PDZD2: variants seen among roughly 807,000 people sequenced by gnomAD.
The protein encoded by PDZD2 is PDZ domain containing 2.
PDZD2 carries 90 observed loss-of-function variants against 220.7 expected under a neutral mutation model. The observed-to-expected ratio is 0.41, with a 90% CI of 0.34 to 0.49. The LOEUF (loss-of-function observed/expected upper bound fraction) is 0.49. PDZD2 is among the 20% of genes least tolerant of loss of function. PDZD2 has a pLI of 0.28. For missense variants in PDZD2, 3,174 were observed against 3,608.5 expected (o/e 0.88, Z 3.08); for synonymous variants, 1,375 against 1,450.5 (o/e 0.95, Z 1.18).
intron 2 of PDZD2, among the ~76,000 whole-genome samples, chr5:31,870,745 C>T (rs184398554): frequency 1.5e-4 from 23 of 152,002 alleles, no homozygotes; most frequent in Admixed American, 1.4e-3. Flanking sequence ...AAAAATTAGC[C>T]GGGCATGGTG....
At chr5:31,658,626 T>C (rs1745642696) in intron 1 of PDZD2, among the ~76,000 whole-genome samples, 1 of 151,274 alleles carries the variant, frequency 6.6e-6, no homozygotes, top group Admixed American at 6.6e-5. Context: ...GTTTTCACTT[T>C]TTTTTTTTTT....
chr5:31,665,724 AG>A lies in PDZD2; in HGVS notation c.-361+26289del. 2.1e-5 allele frequency among the ~76,000 whole-genome samples: 3 copies of A among 140,876 alleles called. No homozygotes were observed. In the East Asian group the frequency reaches 6.6e-4, roughly 31 times the overall value. The allele number at this position is 140,876 out of a possible 152,430, so 92.4% of individuals were successfully genotyped here. Reference sequence around the variant, plus strand: ...TTCTGCCATGATTGTAAGTTTCCTGAGGCCTTCCCAGCCACGCGGAACTGTG... The same window carrying A: ...TTCTGCCATGATTGTAAGTTTCCTGAGCCTTCCCAGCCACGCGGAACTGTG... On this transcript the variant is annotated intron_variant, in intron 1 of 24. Coordinates refer to ENST00000438447, the MANE Select transcript of PDZD2 (RefSeq NM_178140.4).
At chr5:31,973,189 T>C (rs1004932474) in intron 2 of PDZD2, among the ~76,000 whole-genome samples, 8 of 152,210 alleles carry the variant, frequency 5.3e-5, no homozygotes, top group African/African-American at 1.9e-4. Flanking sequence ...CATGTAAGCT[T>C]ACGTGATAGA....
chr5:32,074,270 A>G lies in PDZD2; in HGVS notation c.3164A>G (p.Tyr1055Cys), dbSNP rs760990590. The G allele has an allele frequency of 2.2e-5, 36 of 1,614,032 alleles. No individual in the cohort carries two copies. The highest frequency in any genetic ancestry group is 2.5e-5 in the Non-Finnish European group (29 of 1,180,002). Residue 1055 changes from tyrosine to cysteine, a missense_variant, in exon 18 of 25, where the codon TAT becomes TGT. Physicochemically the swap from Tyr to Cys is radical, Grantham distance 194. Around this residue, in one of 4 missense-constraint regions of PDZD2, gnomAD observed 1,861 missense variants for 2,001.0 expected, o/e 0.93. Transcript: ENST00000438447. The part of the protein sequence containing the change: ...IPEGMVDAAS[Y>C]AANLTDSAEA... ...GAGGGCATGGTGGATGCTGCGTCCTATGCAGCCAACCTCACGGACTCTGCA... is the reference window on the plus strand; with the variant it reads ...GAGGGCATGGTGGATGCTGCGTCCTGTGCAGCCAACCTCACGGACTCTGCA...
rs563450723 is a variant in PDZD2 at position 31,663,568 on chromosome 5, C to T, written c.-361+24131C>T. On this transcript the variant is annotated intron_variant, in intron 1 of 24. Transcript: ENST00000438447. ...CTCTGTGCTGTTGAAATTGGCAGGC[C>T]CACATCTTGCAGACAGACTGTTCTG... is the stretch of plus-strand genomic sequence containing the variant. Among the ~76,000 whole-genome samples the T allele has an allele frequency of 3.9e-5, 6 of 152,204 alleles. No individual in the cohort carries two copies. In the East Asian group the frequency reaches 1.2e-3, roughly 29 times the overall value.
chr5:32,041,959 T>TAATC (rs1231973329), intron 7 of PDZD2, among the ~76,000 whole-genome samples: 1 of 144,966 alleles, frequency 6.9e-6, no homozygotes, highest in African/African-American at 2.6e-5. Flanking sequence ...CTCACGCCTG[T>TAATC]AATCCCAGCA....
At position 31,896,323 on chromosome 5, in the gene PDZD2, C is replaced by CGTGTGTGTGTGTGT. The variant is rs35229609; in HGVS notation, c.477-86801_477-86788dup. ...TCATCAGATTCCTATTTGATACTCTCGTGTGTGTGTGTGTGTGTGTGTGTG... is the reference window on the plus strand; with the variant it reads ...TCATCAGATTCCTATTTGATACTCTCGTGTGTGTGTGTGTGTGTGTGTGTGTGTGTGTGTGTGTG... On this transcript the variant is annotated intron_variant, in intron 2 of 24. Coordinates refer to ENST00000438447, the MANE Select transcript of PDZD2 (RefSeq NM_178140.4). Among the ~76,000 whole-genome samples, 136 of 136,464 alleles carry CGTGTGTGTGTGTGT rather than the reference C, an allele frequency of 1.0e-3. 2 individuals are homozygous for CGTGTGTGTGTGTGT. Among genetic ancestry groups the CGTGTGTGTGTGTGT allele is most frequent in the African/African-American group, 3.5e-3 (127 of 36,796 alleles). 89.5% of individuals were successfully genotyped at this position (136,464 alleles called of 152,430 possible).
At chr5:32,102,245 A>G (rs1020189862) in intron 24 of PDZD2, among the ~76,000 whole-genome samples, 1 of 152,084 alleles carries the variant, frequency 6.6e-6, no homozygotes, top group East Asian at 1.9e-4. Context: ...TGACAGAGAA[A>G]TGTGCACTGC....
intron 17 of PDZD2, 44 bp downstream of exon 17, chr5:32,072,361 C>G (rs1740838572): frequency 6.8e-7 from 1 of 1,480,912 alleles, no homozygotes. Flanking sequence ...GCATTCCAGT[C>G]AGCAGTGACT....
intron 1 of PDZD2, among the ~76,000 whole-genome samples, chr5:31,779,731 A>T (rs1271042961): frequency 6.6e-6 from 1 of 152,114 alleles, no homozygotes; most frequent in African/African-American, 2.4e-5. Context: ...ATTTTTAGCA[A>T]TTTGTGGTAA....
intron 2 of PDZD2, among the ~76,000 whole-genome samples, chr5:31,829,260 G>T (rs1561490998): frequency 6.6e-6 from 1 of 151,816 alleles, no homozygotes; most frequent in East Asian, 1.9e-4. Context: ...TTCCAGAAGG[G>T]CTTTTTCCAG....
In PDZD2 at chr5:32,097,354, A is replaced by T; in HGVS notation, c.7921A>T (p.Thr2641Ser). The change falls in exon 22 of 25, where the codon ACA becomes TCA. Residue 2641 changes from threonine to serine, a missense_variant. Transcript: ENST00000438447. ...TCTGGGATTCAGTGTGGCAGGAGGG[A>T]CAGATGTGGAGCCAAAATCAATCAC... ...SGLGFSVAGGTDVEPKSITVH... is the reference protein window; with the variant it reads ...SGLGFSVAGGSDVEPKSITVH... 6.8e-6 allele frequency: 11 copies of T among 1,611,780 alleles called. No homozygotes were observed. The highest frequency in any genetic ancestry group is 9.3e-6 in the Non-Finnish European group (11 of 1,177,838).
intron 7 of PDZD2, among the ~76,000 whole-genome samples, chr5:32,042,522 A>G (rs1444608568): frequency 4.6e-5 from 7 of 152,144 alleles, no homozygotes; most frequent in Admixed American, 1.3e-4. Context: ...GCAGTGAACC[A>G]AGATTGCGCC....
At chr5:31,891,976 T>TG (rs1290183876) in intron 2 of PDZD2, among the ~76,000 whole-genome samples, 1 of 152,044 alleles carries the variant, frequency 6.6e-6, no homozygotes, top group Non-Finnish European at 1.5e-5. Context: ...AGTAGTGCGA[T>TG]CATAGCTCAC....
At chr5:31,761,593 G>C (rs1751658950) in intron 1 of PDZD2, among the ~76,000 whole-genome samples, 1 of 152,054 alleles carries the variant, frequency 6.6e-6, no homozygotes, top group South Asian at 2.1e-4. Context: ...AGGCACAGTG[G>C]CTCATGCCTA....
intron 21 of PDZD2, among the ~76,000 whole-genome samples, chr5:32,094,633 G>A (rs758606348): frequency 6.6e-6 from 1 of 151,556 alleles, no homozygotes; most frequent in Non-Finnish European, 1.5e-5. Context: ...GCCTTGACAG[G>A]AGGATCATCT....
In PDZD2 at chr5:31,995,567, T is replaced by C. The variant is rs1181379772; in HGVS notation, c.979-9T>C. The C allele has an allele frequency of 6.2e-7, 1 of 1,614,154 alleles. No individual in the cohort carries two copies. Among genetic ancestry groups the C allele is most frequent in the Non-Finnish European group, 8.5e-7 (1 of 1,179,968 alleles). On this transcript the variant is annotated splice_polypyrimidine_tract_variant and intron_variant, in intron 3 of 24. Transcript: ENST00000438447. ...CCTCCTTCATGGTGTGCTCACTTTT[T>C]CTTCCAAGGAGGAAGTTGGCCGAAT...
intron 1 of PDZD2, among the ~76,000 whole-genome samples, chr5:31,727,488 C>G (rs1749223163): frequency 6.6e-6 from 1 of 151,528 alleles, no homozygotes; most frequent in Non-Finnish European, 1.5e-5. Context: ...GGGCGCATCA[C>G]CTGAGTTGAG....
chr5:31,698,959 G>C (rs16899793), intron 1 of PDZD2, among the ~76,000 whole-genome samples: 70,068 of 151,994 alleles, frequency 0.46, 16,222 homozygotes, highest in East Asian at 0.59. Context: ...TTTCTATTCC[G>C]TCAGCAGTGG....
Sources: gnomAD v4.1 joint callset for allele counts (sites outside exome capture counted in the v4.1 genomes callset) on GRCh38, gnomAD v4.1.1 for gene constraint, gnomAD v4.1.1 regional missense constraint, MANE v1.5 for transcripts, NCBI Gene and HGNC (gene_info 2026-07-23, HGNC 2026-07-21) for gene names.